WNK1: variants seen among roughly 807,000 people sequenced by gnomAD.
WNK1 encodes WNK lysine deficient protein kinase 1, also known as serine/threonine-protein kinase WNK1.
WNK1 carries 38 observed loss-of-function variants against 222.8 expected under a neutral mutation model. That is an observed-to-expected ratio of 0.17 (90% CI 0.13 to 0.22). WNK1 has a LOEUF of 0.22. Among genes scored for constraint, WNK1 ranks in the 10% least tolerant of loss-of-function variants. The probability of loss-of-function intolerance (pLI) is 1.00; values close to 1 mark genes in which losing one functional copy is unlikely to be tolerated. For synonymous variants in WNK1, 1,090 were observed against 1,092.9 expected (o/e 1.00, Z 0.05); for missense variants, 2,348 against 2,918.4 (o/e 0.80, Z 4.50).
intron 16 of WNK1, 95 bp from the exon 17 acceptor site, chr12:883,679 C>CATG: frequency 1.3e-6 from 2 of 1,597,742 alleles, no homozygotes; most frequent in Non-Finnish European, 1.7e-6. Flanking sequence ...TGACCGACAA[C>CATG]AAACTTTTAT....
Position 878,293 on chromosome 12 carries a change from A to G in WNK1, c.2305A>G (p.Thr769Ala). Residue 769 changes from threonine (T) to alanine (A), a missense_variant, in exon 10 of 28, where the codon ACT becomes GCT. By Grantham distance (58) the Thr-to-Ala change is moderately conservative. Coordinates refer to ENST00000315939, the MANE Select transcript of WNK1 (RefSeq NM_018979.4). Reference protein sequence around the residue: ...LSQTSTSSEATTAQPVSQPQA... With the variant: ...LSQTSTSSEAATAQPVSQPQA... ...ACAGACATCAACCTCCAGTGAGGCC[A>G]CTACTGCACAGCCAGTGAGTCAGCC... 6.2e-7 allele frequency: 1 copy of G among 1,613,980 alleles called. No homozygotes were observed. The highest frequency in any genetic ancestry group is 1.6e-4 in the Middle Eastern group (1 of 6,062).
At chr12:832,224 C>T (rs1046716568) in intron 4 of WNK1, among the ~76,000 whole-genome samples, 16 of 152,006 alleles carry the variant, frequency 1.1e-4, no homozygotes, top group Admixed American at 2.0e-4. Context: ...TACAGGTGCC[C>T]GCCACCACAC....
chr12:804,521 C>A (rs890527557), intron 1 of WNK1, among the ~76,000 whole-genome samples: 1 of 151,974 alleles, frequency 6.6e-6, no homozygotes, highest in Non-Finnish European at 1.5e-5. Context: ...TACAGGCTCC[C>A]GCTGCCACGC....
chr12:875,017 T>C (rs1350754788), intron 9 of WNK1, among the ~76,000 whole-genome samples: 1 of 152,112 alleles, frequency 6.6e-6, no homozygotes, highest in Admixed American at 6.6e-5. Context: ...ATAAAGAATA[T>C]TCCAGGCCAG....
intron 4 of WNK1, among the ~76,000 whole-genome samples, chr12:851,007 T>C (rs1314838570): frequency 6.6e-6 from 1 of 152,194 alleles, no homozygotes; most frequent in Non-Finnish European, 1.5e-5. Flanking sequence ...AAAAATGTTC[T>C]GTGAAAGAGT....
At chr12:886,915 A>G (rs1953712901) in intron 19 of WNK1, among the ~76,000 whole-genome samples, 1 of 152,224 alleles carries the variant, frequency 6.6e-6, no homozygotes, top group Non-Finnish European at 1.5e-5. Flanking sequence ...TAAGTAGCTC[A>G]AGAATATCTG....
intron 4 of WNK1, among the ~76,000 whole-genome samples, chr12:854,050 C>T (rs902923937): frequency 2.6e-5 from 4 of 151,888 alleles, no homozygotes. Context: ...CACACCTGGC[C>T]CTAGACTTTT....
intron 2 of WNK1, among the ~76,000 whole-genome samples, chr12:815,829 G>A (rs1319381171): frequency 6.6e-6 from 1 of 152,176 alleles, no homozygotes; most frequent in Non-Finnish European, 1.5e-5. Flanking sequence ...TAACATAGTG[G>A]GGTAATAAGC....
intron 4 of WNK1, chr12:851,354 G>C (rs929623777): frequency 2.0e-5 from 21 of 1,053,728 alleles, no homozygotes; most frequent in Middle Eastern, 4.5e-4. Context: ...AGGTCCAGGA[G>C]ATAGAAACTG....
intron 4 of WNK1, among the ~76,000 whole-genome samples, chr12:836,767 A>G (rs932265184): frequency 6.6e-6 from 1 of 152,212 alleles, no homozygotes; most frequent in African/African-American, 2.4e-5. Flanking sequence ...TCTGCTTTCT[A>G]TCCTTCAGTG....
intron 14 of WNK1, 109 bp from the exon 15 acceptor site, chr12:882,834 C>G: frequency 1.3e-6 from 1 of 759,978 alleles, no homozygotes; most frequent in Non-Finnish European, 2.4e-6. Context: ...AGCGATAACA[C>G]TATGCTTCCT....
At chr12:880,687 C>T in intron 11 of WNK1, 34 bp from the exon 12 acceptor site, 1 of 1,611,714 alleles carries the variant, frequency 6.2e-7, no homozygotes, top group Non-Finnish European at 8.5e-7. Context: ...GACCCCCAAC[C>T]TGCTCTAACT....
intron 9 of WNK1, among the ~76,000 whole-genome samples, chr12:873,635 G>T: frequency 6.6e-6 from 1 of 152,198 alleles, no homozygotes; most frequent in Admixed American, 6.5e-5. Flanking sequence ...ATAAAGTTCT[G>T]CAGGGACTTA....
intron 4 of WNK1, chr12:851,819 T>C: frequency 7.8e-7 from 1 of 1,284,214 alleles, no homozygotes; most frequent in Non-Finnish European, 1.0e-6. Context: ...ACAGTTTATA[T>C]TGTAGCCTTT....
intron 1 of WNK1, among the ~76,000 whole-genome samples, chr12:794,033 G>A (rs1163019784): frequency 6.6e-6 from 1 of 152,032 alleles, no homozygotes; most frequent in African/African-American, 2.4e-5. Flanking sequence ...TCTTGTGACT[G>A]GCTTTTTTCA....
chr12:827,287 C>T lies in WNK1; in HGVS notation c.1153+25C>T. The T allele has an allele frequency of 6.3e-7, 1 of 1,593,316 alleles. No homozygotes were observed. The highest frequency in any genetic ancestry group is 1.1e-5 in the South Asian group (1 of 90,588). On this transcript the variant is annotated intron_variant, in intron 3 of 27. Coordinates refer to ENST00000315939, the MANE Select transcript of WNK1 (RefSeq NM_018979.4). The surrounding 1 kb of genome is among the most constrained non-coding windows in gnomAD (Gnocchi z 4.6). Reference sequence around the variant, plus strand: ...GGTATGTTTCAGGTGTACCTTGGAGCCTGACTGGCTTTCTCACATTCCTTT... The same window carrying T: ...GGTATGTTTCAGGTGTACCTTGGAGTCTGACTGGCTTTCTCACATTCCTTT...
chr12:850,779 T>C (rs200692715), intron 4 of WNK1, among the ~76,000 whole-genome samples: 715 of 112,974 alleles, frequency 6.3e-3, no homozygotes, highest in East Asian at 0.014. Context: ...GTTTCAGCTT[T>C]CTACATATGG....
rs929388270 is a variant in WNK1 at position 859,536 on chromosome 12, C to CAGTT, written c.1620+73_1620+76dup. 2.4e-6 allele frequency: 3 copies of CAGTT among 1,252,340 alleles called. No individual in the cohort carries two copies. The Admixed American group carries it at 5.7e-5, about 24-fold the overall frequency. The allele number at this position is 1,252,340 out of a possible 1,614,324, so 77.6% of individuals were successfully genotyped here. On this transcript the variant is annotated intron_variant, in intron 6 of 27. Transcript: ENST00000315939. The stretch of plus-strand genomic sequence containing the variant: ...TCAATACTATCATTAAGCAAAAAAG[C>CAGTT]AGTTGATGAAGTGCCGTGTGTGGCA...
chr12:809,874 G>A (rs1213025660), intron 1 of WNK1, among the ~76,000 whole-genome samples: 1 of 152,150 alleles, frequency 6.6e-6, no homozygotes, highest in East Asian at 1.9e-4. Flanking sequence ...GGAAAGCAAT[G>A]TTACAAACTG....
Sources: allele counts gnomAD v4.1 joint callset (sites outside exome capture counted in the v4.1 genomes callset), GRCh38; gene constraint gnomAD v4.1.1; non-coding constraint Gnocchi (gnomAD v3.1); transcripts MANE v1.5; gene names NCBI Gene and HGNC (gene_info 2026-07-23, HGNC 2026-07-21).